The following NKAIN3 variants were observed in gnomAD, a reference collection of about 807,000 sequenced individuals.
NKAIN3 encodes sodium/potassium transporting ATPase interacting 3, also known as sodium/potassium-transporting ATPase subunit beta-1-interacting protein 3.
Under a neutral mutation model 30.2 loss-of-function variants are expected in NKAIN3, and 25 were observed. The ratio of observed to expected loss-of-function variants is 0.83; its 90% CI spans 0.60 to 1.16. The LOEUF (loss-of-function observed/expected upper bound fraction) is 1.16. Among genes scored for constraint, NKAIN3 ranks in the 50% most tolerant of loss-of-function variants. NKAIN3 has a pLI of 0.00. For missense variants in NKAIN3, 225 were observed against 254.1 expected (o/e 0.89, Z 0.78); for synonymous variants, 91 against 89.6 (o/e 1.02, Z -0.09).
intron 1 of NKAIN3, among the ~76,000 whole-genome samples, chr8:62,355,846 C>G (rs1164765261): frequency 6.6e-6 from 1 of 152,138 alleles, no homozygotes; most frequent in African/African-American, 2.4e-5. Context: ...ATTTTTAATA[C>G]AGCAGCTGTT....
chr8:62,320,436 T>A (rs1814836669), intron 1 of NKAIN3, among the ~76,000 whole-genome samples: 1 of 152,184 alleles, frequency 6.6e-6, no homozygotes, highest in Non-Finnish European at 1.5e-5. Flanking sequence ...CTCGATGGTC[T>A]TTACAATTTG....
At chr8:62,557,341 T>C (rs1809432448) in intron 1 of NKAIN3, among the ~76,000 whole-genome samples, 1 of 152,162 alleles carries the variant, frequency 6.6e-6, no homozygotes, top group South Asian at 2.1e-4. Flanking sequence ...ATTGTTGCAG[T>C]TGTGAATTGT....
intron 3 of NKAIN3, among the ~76,000 whole-genome samples, chr8:62,743,207 C>G (rs759956415): frequency 4.1e-4 from 63 of 152,218 alleles, no homozygotes; most frequent in Admixed American, 7.2e-4. Flanking sequence ...ATTTGTGTTT[C>G]TTTTTCTGTA....
intron 1 of NKAIN3, among the ~76,000 whole-genome samples, chr8:62,496,666 A>G (rs755121279): frequency 1.3e-5 from 2 of 152,144 alleles, no homozygotes; most frequent in African/African-American, 2.4e-5. Flanking sequence ...GAGATAATAT[A>G]AAGAGTAGAT....
intron 4 of NKAIN3, among the ~76,000 whole-genome samples, chr8:62,767,709 T>G (rs1816887435): frequency 6.6e-6 from 1 of 152,016 alleles, no homozygotes; most frequent in Admixed American, 6.6e-5. Context: ...AGACCGATCT[T>G]CTCACAACGC....
At chr8:62,583,914 T>A (rs1380362806) in intron 2 of NKAIN3, among the ~76,000 whole-genome samples, 1 of 152,196 alleles carries the variant, frequency 6.6e-6, no homozygotes, top group Non-Finnish European at 1.5e-5. Context: ...AATTGCCTTT[T>A]AAAAAAGAGC....
chr8:62,414,335 G>A (rs1804361378), intron 1 of NKAIN3, among the ~76,000 whole-genome samples: 1 of 152,072 alleles, frequency 6.6e-6, no homozygotes, highest in African/African-American at 2.4e-5. Flanking sequence ...ATACAATTAT[G>A]GTTGTCAAGA....
chr8:62,619,477 C>G (rs1048750720), intron 3 of NKAIN3, among the ~76,000 whole-genome samples: 3 of 152,148 alleles, frequency 2.0e-5, no homozygotes, highest in African/African-American at 7.2e-5. Flanking sequence ...GTTAAATCTA[C>G]CTACAACCTG....
intron 1 of NKAIN3, among the ~76,000 whole-genome samples, chr8:62,554,126 G>C (rs2129948864): frequency 6.6e-6 from 1 of 152,260 alleles, no homozygotes; most frequent in South Asian, 2.1e-4. Context: ...ACATGTAATA[G>C]AGGCAATCTC....
intron 3 of NKAIN3, among the ~76,000 whole-genome samples, chr8:62,624,835 T>C (rs1253906972): frequency 6.6e-6 from 1 of 151,926 alleles, no homozygotes; most frequent in Non-Finnish European, 1.5e-5. Flanking sequence ...TTTGGAAGTT[T>C]CTATTGTCAT....
chr8:62,571,697 A>C (rs1809945108), intron 1 of NKAIN3, among the ~76,000 whole-genome samples: 1 of 152,120 alleles, frequency 6.6e-6, no homozygotes, highest in Non-Finnish European at 1.5e-5. Flanking sequence ...AGAGGTTCCC[A>C]AAGCCCATTT....
chr8:62,753,607 T>TC (rs1282443411), intron 4 of NKAIN3, among the ~76,000 whole-genome samples: 1 of 152,138 alleles, frequency 6.6e-6, no homozygotes, highest in Non-Finnish European at 1.5e-5. Flanking sequence ...TAACCTGATG[T>TC]ATGCAAGTTA....
chr8:62,928,757 A>G (rs1822524810), intron 5 of NKAIN3, among the ~76,000 whole-genome samples: 1 of 152,244 alleles, frequency 6.6e-6, no homozygotes, highest in African/African-American at 2.4e-5. Flanking sequence ...TGCTGGAGCC[A>G]CAGTATCAAA....
At chr8:62,693,481 G>T (rs1231851906) in intron 3 of NKAIN3, among the ~76,000 whole-genome samples, 1 of 152,164 alleles carries the variant, frequency 6.6e-6, no homozygotes, top group Non-Finnish European at 1.5e-5. Context: ...CAGTGCAAAG[G>T]CTTAGCCCAT....
At chr8:62,760,218 C>T (rs565053960) in intron 4 of NKAIN3, among the ~76,000 whole-genome samples, 3 of 152,202 alleles carry the variant, frequency 2.0e-5, no homozygotes, top group Admixed American at 6.5e-5. Flanking sequence ...GTCAGTGTGG[C>T]GATTCCTCAG....
In NKAIN3 at chr8:62,690,846, G is replaced by A. The variant is rs1813944961; in HGVS notation, c.274-56086G>A. 5.3e-5 allele frequency among the ~76,000 whole-genome samples: 8 copies of A among 152,198 alleles called. No individual in the cohort carries two copies. In the South Asian group the frequency reaches 1.7e-3, roughly 32 times the overall value. On this transcript the variant is annotated intron_variant, in intron 3 of 6. Transcript: ENST00000623646. ...CAGTATCTACAAGGGAAGGATGCAA[G>A]AGCAATTGTCATTCTCATTGCTTCC... is the stretch of plus-strand genomic sequence containing the variant.
chr8:62,282,755 AT>A (rs1486497222), intron 1 of NKAIN3, among the ~76,000 whole-genome samples: 1 of 152,128 alleles, frequency 6.6e-6, no homozygotes, highest in African/African-American at 2.4e-5. Context: ...CCTTAGTGAA[AT>A]TGTTTTTGAA....
intron 4 of NKAIN3, among the ~76,000 whole-genome samples, chr8:62,774,759 T>G (rs2130642708): frequency 6.6e-6 from 1 of 152,290 alleles, no homozygotes; most frequent in Non-Finnish European, 1.5e-5. Context: ...AAATCCAACT[T>G]GGTTATGATG....
intron 4 of NKAIN3, among the ~76,000 whole-genome samples, chr8:62,761,126 C>G (rs1359128771): frequency 6.6e-6 from 1 of 152,070 alleles, no homozygotes; most frequent in Non-Finnish European, 1.5e-5. Flanking sequence ...TTGGACATAA[C>G]AGGCTCACAG....
Sources: gnomAD v4.1 joint callset for allele counts (sites outside exome capture counted in the v4.1 genomes callset) on GRCh38, gnomAD v4.1.1 for gene constraint, MANE v1.5 for transcripts, NCBI Gene and HGNC (gene_info 2026-07-23, HGNC 2026-07-21) for gene names.